Variants in PRKAR1B observed in about 807,000 individuals in gnomAD.
PRKAR1B encodes protein kinase cAMP-dependent type I regulatory subunit beta.
In PRKAR1B, 22 loss-of-function variants were observed where a neutral mutation model predicts 46.5. The observed-to-expected ratio is 0.47, with a 90% CI of 0.34 to 0.68. The LOEUF is 0.68. Among genes scored for constraint, PRKAR1B ranks in the 30% least tolerant of loss-of-function variants. The pLI is 0.01. For missense variants in PRKAR1B, 445 were observed against 535.6 expected, an observed-to-expected ratio of 0.83 and a Z score of 1.67; for synonymous variants, 259 against 217.7, an observed-to-expected ratio of 1.19 and a Z score of -1.67.
At chr7:616,457 G>T (rs1245914738) in intron 4 of PRKAR1B, among the ~76,000 whole-genome samples, 1 of 152,254 alleles carries the variant, frequency 6.6e-6, no homozygotes, top group East Asian at 1.9e-4. Flanking sequence ...GGACCAGCTG[G>T]GAAACAGTGA....
At chr7:663,723 A>C (rs1422120607) in intron 4 of PRKAR1B, among the ~76,000 whole-genome samples, 2 of 152,102 alleles carry the variant, frequency 1.3e-5, no homozygotes, top group Non-Finnish European at 2.9e-5. Flanking sequence ...TCAGATCCTC[A>C]CCTGGAACTT....
intron 4 of PRKAR1B, among the ~76,000 whole-genome samples, chr7:608,689 G>A (rs112798456): frequency 0.044 from 4,628 of 105,946 alleles, 353 homozygotes; most frequent in Non-Finnish European, 0.05. Flanking sequence ...GTTGTAGGGA[G>A]GGCTGGGGGG....
Position 680,542 on chromosome 7 carries a change from C to T in PRKAR1B, c.348+14G>A. 1.2e-6 allele frequency: 2 copies of T among 1,603,232 alleles called. No individual in the cohort carries two copies. The highest frequency in any genetic ancestry group is 1.7e-6 in the Non-Finnish European group (2 of 1,177,682). The stretch of plus-strand genomic sequence containing the variant: ...AGGCCTGGGGACAGGAACCCCGTGA[C>T]CCGTGAGCCTCACCTTCCTGACGTA... On this transcript the variant is annotated intron_variant, in intron 3 of 10. Transcript: ENST00000537384.
rs1781675664 is a variant in PRKAR1B, at chr7:602,386, G to T, written c.549+3807C>A. Reference sequence around the variant, plus strand: ...GGTGGGGATTCTGCGAGGATGAGGAGGAGGAGGAGGAGGTCCCGCCAAGGT... The same window carrying T: ...GGTGGGGATTCTGCGAGGATGAGGATGAGGAGGAGGAGGTCCCGCCAAGGT... On this transcript the variant is annotated intron_variant, in intron 6 of 10. Coordinates refer to ENST00000537384, the MANE Select transcript of PRKAR1B (RefSeq NM_001164760.2). This position sits in a 1 kb window ranked among gnomAD's most constrained non-coding sequence, Gnocchi z 6.4. Among the ~76,000 whole-genome samples the T allele has an allele frequency of 6.6e-6, 1 of 152,174 alleles. No homozygotes were observed. The highest frequency in any genetic ancestry group is 1.5e-5 in the Non-Finnish European group (1 of 68,018).
At chr7:598,596 C>T (rs1393121453) in intron 6 of PRKAR1B, among the ~76,000 whole-genome samples, 1 of 151,268 alleles carries the variant, frequency 6.6e-6, no homozygotes, top group Non-Finnish European at 1.5e-5. Flanking sequence ...ACACCATCAC[C>T]CTCCACACTA....
intron 2 of PRKAR1B, among the ~76,000 whole-genome samples, chr7:692,971 G>T (rs1299913886): frequency 1.3e-5 from 2 of 151,654 alleles, no homozygotes; most frequent in African/African-American, 4.8e-5. Flanking sequence ...GTCTCGCTCT[G>T]TTGCCCAGGC....
At chr7:585,683 G>A (rs1281906844) in intron 7 of PRKAR1B, among the ~76,000 whole-genome samples, 5 of 152,042 alleles carry the variant, frequency 3.3e-5, no homozygotes, top group African/African-American at 7.3e-5. Context: ...GACCCACATC[G>A]ACCTCGCAAC....
At chr7:579,967 G>A (rs1367786056) in intron 8 of PRKAR1B, among the ~76,000 whole-genome samples, 1 of 151,966 alleles carries the variant, frequency 6.6e-6, no homozygotes, top group Non-Finnish European at 1.5e-5. Flanking sequence ...GCATGCTGGT[G>A]TGTACCTGTA....
chr7:657,192 G>A (rs1465035491), intron 4 of PRKAR1B, among the ~76,000 whole-genome samples: 1 of 150,968 alleles, frequency 6.6e-6, no homozygotes, highest in African/African-American at 2.4e-5. Flanking sequence ...TGTGTGGATG[G>A]GTGAATGAAG....
At chr7:569,291 CA>C (rs1779361266) in intron 9 of PRKAR1B, among the ~76,000 whole-genome samples, 1 of 152,224 alleles carries the variant, frequency 6.6e-6, no homozygotes, top group African/African-American at 2.4e-5. Context: ...TCTATCCACG[CA>C]GAGAACAGCC....
In PRKAR1B at chr7:560,359, AAATAAT is replaced by A. The variant is rs200894141; in HGVS notation, c.892-8895_892-8890del. On this transcript the variant is annotated intron_variant, in intron 9 of 10. Coordinates refer to ENST00000537384, the MANE Select transcript of PRKAR1B (RefSeq NM_001164760.2). The surrounding 1 kb of genome is among the most constrained non-coding windows in gnomAD (Gnocchi z 4.2). ...TAGCAGTGTTAGAATGAACTAATACAAATAATAATAATAATAATAATAATAATAATA... is the reference window on the plus strand; with the variant it reads ...TAGCAGTGTTAGAATGAACTAATACAAATAATAATAATAATAATAATAATA... 2.2e-3 allele frequency among the ~76,000 whole-genome samples: 319 copies of A among 146,544 alleles called. 2 individuals are homozygous for A. Among genetic ancestry groups the A allele is most frequent in the African/African-American group, 4.3e-3 (171 of 40,120 alleles).
At chr7:594,338 C>A (rs139300688) in intron 7 of PRKAR1B, among the ~76,000 whole-genome samples, 2,227 of 152,284 alleles carry the variant, frequency 0.015, 45 homozygotes, top group African/African-American at 0.049. Context: ...CAACACCCAC[C>A]TGGCTCAACC....
intron 2 of PRKAR1B, among the ~76,000 whole-genome samples, chr7:704,420 G>A (rs929177886): frequency 6.6e-6 from 1 of 152,048 alleles, no homozygotes. Context: ...AAAAGGATGA[G>A]GTAATATTAC....
chr7:693,715 G>A (rs1410103677), intron 2 of PRKAR1B, among the ~76,000 whole-genome samples: 1 of 152,126 alleles, frequency 6.6e-6, no homozygotes, highest in African/African-American at 2.4e-5. Flanking sequence ...CGCTCATGTA[G>A]AGGCGTGTGT....
At chr7:614,140 G>A (rs755259966) in intron 4 of PRKAR1B, among the ~76,000 whole-genome samples, 5 of 152,256 alleles carry the variant, frequency 3.3e-5, no homozygotes, top group Non-Finnish European at 5.9e-5. Context: ...ACAGGCCAAC[G>A]CAGGGCTGGG....
chr7:659,314 G>T (rs115032876), intron 4 of PRKAR1B, among the ~76,000 whole-genome samples: 1 of 152,140 alleles, frequency 6.6e-6, no homozygotes, highest in Non-Finnish European at 1.5e-5. Context: ...TCAACCCCTC[G>T]GGCGGGGTCT....
chr7:635,087 T>C (rs977417866), intron 4 of PRKAR1B, among the ~76,000 whole-genome samples: 2 of 152,228 alleles, frequency 1.3e-5, no homozygotes, highest in Non-Finnish European at 2.9e-5. Flanking sequence ...CATGATACTC[T>C]CCTTGCAACG....
chr7:679,988 C>G (rs537295071), intron 3 of PRKAR1B, among the ~76,000 whole-genome samples: 33 of 152,076 alleles, frequency 2.2e-4, no homozygotes, highest in African/African-American at 8.0e-4. Context: ...GAAACCCCGT[C>G]TTTACTAAAA....
chr7:589,380 C>T (rs1267679160), intron 7 of PRKAR1B, among the ~76,000 whole-genome samples: 1 of 151,872 alleles, frequency 6.6e-6, no homozygotes, highest in Non-Finnish European at 1.5e-5. Flanking sequence ...GTCAGACACC[C>T]CTGCAAACAG....
Sources: allele counts gnomAD v4.1 joint callset (sites outside exome capture counted in the v4.1 genomes callset), GRCh38; gene constraint gnomAD v4.1.1; non-coding constraint Gnocchi (gnomAD v3.1); transcripts MANE v1.5; gene names NCBI Gene and HGNC (gene_info 2026-07-23, HGNC 2026-07-21).